PTPRT: variants seen among roughly 807,000 people sequenced by gnomAD.
The protein encoded by PTPRT is protein tyrosine phosphatase receptor type T.
A neutral mutation model predicts 176.8 loss-of-function variants in PTPRT; 56 were observed. That is an observed-to-expected ratio of 0.32 (90% CI 0.26 to 0.40). PTPRT has a LOEUF of 0.40. Ranked by LOEUF, PTPRT falls within the 10% of genes least tolerant of loss-of-function variation. PTPRT has a pLI of 1.00. For missense variants in PTPRT, 1,540 were observed against 1,908.2 expected, an observed-to-expected ratio of 0.81 and a Z score of 3.60; for synonymous variants, 783 against 739.0, an observed-to-expected ratio of 1.06 and a Z score of -0.96.
chr20:42,301,589 G>T (rs947478228), intron 12 of PTPRT, among the ~76,000 whole-genome samples: 1 of 152,154 alleles, frequency 6.6e-6, no homozygotes, highest in East Asian at 1.9e-4. Context: ...TGGAAATTGC[G>T]CATTAAAGCA....
chr20:42,916,780 T>C (rs1978789272), intron 1 of PTPRT, among the ~76,000 whole-genome samples: 1 of 152,250 alleles, frequency 6.6e-6, no homozygotes, highest in African/African-American at 2.4e-5. Flanking sequence ...GAAGTGTCTG[T>C]TCATATCCTT....
At chr20:42,708,709 G>A (rs995749390) in intron 6 of PTPRT, among the ~76,000 whole-genome samples, 26 of 152,292 alleles carry the variant, frequency 1.7e-4, no homozygotes, top group African/African-American at 6.0e-4. Flanking sequence ...TGTGGCCTCA[G>A]TGCCCTATCA....
chr20:43,142,901 T>C (rs1420903457), intron 1 of PTPRT, among the ~76,000 whole-genome samples: 2 of 152,254 alleles, frequency 1.3e-5, no homozygotes, highest in Admixed American at 1.3e-4. Context: ...TGAATGAGCA[T>C]GAGCACTGCA....
chr20:42,872,503 A>C (rs2078862365), intron 2 of PTPRT, among the ~76,000 whole-genome samples: 1 of 152,232 alleles, frequency 6.6e-6, no homozygotes, highest in African/African-American at 2.4e-5. Flanking sequence ...ATACTCATGA[A>C]GACAAATTCC....
At chr20:43,049,037 C>G (rs368973644) in intron 1 of PTPRT, among the ~76,000 whole-genome samples, 4 of 152,132 alleles carry the variant, frequency 2.6e-5, no homozygotes, top group African/African-American at 7.2e-5. Context: ...AACAAGAGAA[C>G]GAAATGAATA....
At chr20:42,732,006 A>T (rs1425723377) in intron 6 of PTPRT, among the ~76,000 whole-genome samples, 2 of 152,208 alleles carry the variant, frequency 1.3e-5, no homozygotes, top group Non-Finnish European at 1.5e-5. Context: ...TTCTGTCGTG[A>T]TGCTCTATTT....
intron 7 of PTPRT, among the ~76,000 whole-genome samples, chr20:42,666,934 G>A (rs927245257): frequency 6.6e-6 from 1 of 152,040 alleles, no homozygotes; most frequent in African/African-American, 2.4e-5. Flanking sequence ...ATTCTCTTAG[G>A]CATTGAGGCT....
chr20:43,186,134 T>C (rs1369030256), intron 1 of PTPRT, among the ~76,000 whole-genome samples: 1 of 152,214 alleles, frequency 6.6e-6, no homozygotes, highest in Non-Finnish European at 1.5e-5. Context: ...TATTGCATCT[T>C]ATTTGGTTAC....
chr20:42,557,437 T>C (rs1271808135), intron 7 of PTPRT, among the ~76,000 whole-genome samples: 1 of 152,068 alleles, frequency 6.6e-6, no homozygotes. Flanking sequence ...AGACAGGTCA[T>C]GGGCAGGTAG....
rs192057136 is a variant in PTPRT, at chr20:42,897,724, A to T, written c.89-11792T>A. Among the ~76,000 whole-genome samples the T allele has an allele frequency of 2.6e-5, 4 of 151,586 alleles. No homozygotes were observed. The East Asian group carries it at 7.8e-4, about 29-fold the overall frequency. On this transcript the variant is annotated intron_variant, in intron 1 of 30. Transcript: ENST00000373187. ...CCAGAGCCAGCATCTAAGCTCTGCT[A>T]TTTTTTTTTACTTAGTTATATGACC...
intron 6 of PTPRT, among the ~76,000 whole-genome samples, chr20:42,749,902 C>A (rs1026039431): frequency 1.3e-5 from 2 of 152,140 alleles, no homozygotes; most frequent in Admixed American, 6.5e-5. Context: ...CAGCAGTCAA[C>A]GGTGGAACGT....
chr20:42,912,245 T>C (rs1978445887), intron 1 of PTPRT, among the ~76,000 whole-genome samples: 1 of 152,190 alleles, frequency 6.6e-6, no homozygotes, highest in African/African-American at 2.4e-5. Flanking sequence ...TCATTGTCAT[T>C]TGTCATTTTA....
chr20:42,256,825 G>A (rs1276459441), intron 13 of PTPRT, among the ~76,000 whole-genome samples: 4 of 152,172 alleles, frequency 2.6e-5, no homozygotes, highest in Non-Finnish European at 4.4e-5. Flanking sequence ...AAAAGAGATG[G>A]TGGAGTTCTC....
intron 19 of PTPRT, among the ~76,000 whole-genome samples, chr20:42,127,637 T>C (rs765978499): frequency 3.3e-5 from 5 of 152,182 alleles, no homozygotes; most frequent in Non-Finnish European, 5.9e-5. Context: ...CCAGTATGAA[T>C]CTCTGTGCCA....
At chr20:42,986,098 A>T (rs1424126786) in intron 1 of PTPRT, among the ~76,000 whole-genome samples, 1 of 152,208 alleles carries the variant, frequency 6.6e-6, no homozygotes, top group Non-Finnish European at 1.5e-5. Flanking sequence ...GAGCAGCAGG[A>T]AAAAAAGGAT....
intron 4 of PTPRT, among the ~76,000 whole-genome samples, chr20:42,774,899 G>A (rs188235329): frequency 9.9e-5 from 15 of 152,062 alleles, no homozygotes; most frequent in African/African-American, 2.9e-4. Context: ...TCTTCCCTGC[G>A]TTCCTGGCCT....
intron 7 of PTPRT, among the ~76,000 whole-genome samples, chr20:42,668,978 G>A (rs1440298437): frequency 6.7e-6 from 1 of 149,756 alleles, no homozygotes; most frequent in African/African-American, 2.5e-5. Flanking sequence ...CCAAAGTGCT[G>A]GGATTACAGG....
intron 1 of PTPRT, among the ~76,000 whole-genome samples, chr20:43,031,967 C>T (rs1986156455): frequency 6.6e-6 from 1 of 152,130 alleles, no homozygotes; most frequent in Non-Finnish European, 1.5e-5. Flanking sequence ...CAGAACTTGG[C>T]TTGGAAGGGA....
chr20:42,315,082 A>G (rs2057697112), intron 12 of PTPRT, among the ~76,000 whole-genome samples: 1 of 149,396 alleles, frequency 6.7e-6, no homozygotes, highest in African/African-American at 2.5e-5. Flanking sequence ...TGACACAAAA[A>G]TGGTTACCTT....
Sources: gnomAD v4.1 joint callset for allele counts (sites outside exome capture counted in the v4.1 genomes callset) on GRCh38, gnomAD v4.1.1 for gene constraint, MANE v1.5 for transcripts, NCBI Gene and HGNC (gene_info 2026-07-23, HGNC 2026-07-21) for gene names.